Variants in DMC1 observed in about 807,000 individuals in gnomAD.
DMC1 encodes the protein meiotic recombination protein DMC1 homolog.
A neutral mutation model predicts 50.1 loss-of-function variants in DMC1; 27 were observed. That is an observed-to-expected ratio of 0.54 (90% CI 0.40 to 0.74). The LOEUF is 0.74. Among genes scored for constraint, DMC1 ranks in the 30% least tolerant of loss-of-function variants. The pLI, the probability that DMC1 is intolerant of heterozygous loss-of-function variation, is 0.00. For synonymous variants in DMC1, 148 were observed against 136.1 expected, an observed-to-expected ratio of 1.09 and a Z score of -0.61; for missense variants, 295 against 420.2, an observed-to-expected ratio of 0.70 and a Z score of 2.60.
At chr22:38,518,537 C>CT (rs879709717), downstream of DMC1, among the ~76,000 whole-genome samples, 339 of 145,526 alleles carry the variant, frequency 2.3e-3, 2 homozygotes, top group African/African-American at 7.5e-3. Flanking sequence ...CTCTTTCCTT[C>CT]TTTTTTTTTT....
At chr22:38,538,068 T>C (rs1602732721) in intron 11 of DMC1, among the ~76,000 whole-genome samples, 1 of 151,904 alleles carries the variant, frequency 6.6e-6, no homozygotes, top group East Asian at 1.9e-4. Context: ...TGCTTGAACC[T>C]GGGAGGCGGA....
the DMC1 span, among the ~76,000 whole-genome samples, chr22:38,513,063 G>A: frequency 6.0e-5 from 9 of 151,162 alleles, no homozygotes; most frequent in African/African-American, 2.2e-4. Context: ...CAGGCTGGGT[G>A]ACAGAGCTAG....
intron 8 of DMC1, among the ~76,000 whole-genome samples, chr22:38,546,343 C>T (rs951214925): frequency 1.3e-5 from 2 of 151,976 alleles, no homozygotes; most frequent in African/African-American, 4.8e-5. Context: ...GAGCCGAGAT[C>T]GCACCATTGC....
At chr22:38,528,310 C>T (rs372896517) in intron 12 of DMC1, among the ~76,000 whole-genome samples, 21 of 150,884 alleles carry the variant, frequency 1.4e-4, no homozygotes, top group East Asian at 4.0e-4. Flanking sequence ...ATAATCTGCC[C>T]GCCTTGGCCT....
chr22:38,514,560 GAGGTCACAAAGATAC>G (rs1231268351), downstream of DMC1, among the ~76,000 whole-genome samples: 7 of 151,976 alleles, frequency 4.6e-5, no homozygotes, highest in Non-Finnish European at 8.8e-5. Flanking sequence ...GATGAGACAG[GAGGTCACAAAGATAC>G]AGGTCACAAA....
At position 38,543,925 on chromosome 22, in the gene DMC1, T is replaced by C. The variant is rs2090314644; in HGVS notation, c.495-4513A>G. The stretch of plus-strand genomic sequence containing the variant: ...TAGCTTAGACTGTGCAGTCCAACCC[T>C]AGCCAATAGGGGAATGACACAGCAG... On this transcript the variant is annotated intron_variant, in intron 8 of 13. Transcript: ENST00000216024. Among the ~76,000 whole-genome samples, 6 of 152,112 alleles carry C rather than the reference T, an allele frequency of 3.9e-5. 1 individual carries two copies. Among genetic ancestry groups the C allele is most frequent in the Admixed American group, 3.3e-4 (5 of 15,248 alleles).
chr22:38,559,717 A>C (rs768587474), intron 5 of DMC1, among the ~76,000 whole-genome samples: 2 of 152,244 alleles, frequency 1.3e-5, no homozygotes, highest in South Asian at 2.1e-4. Context: ...CTAGTGAGAG[A>C]TTAGATAATA....
chr22:38,514,052 G>A (rs1410483668), downstream of DMC1, among the ~76,000 whole-genome samples: 2 of 152,098 alleles, frequency 1.3e-5, no homozygotes, highest in East Asian at 1.9e-4. Flanking sequence ...GGCTGCTGTC[G>A]ACACCTTGGC....
chr22:38,545,311 T>C (rs1307112379), intron 8 of DMC1, among the ~76,000 whole-genome samples: 1 of 152,094 alleles, frequency 6.6e-6, no homozygotes, highest in Non-Finnish European at 1.5e-5. Context: ...CTTGAGAAGC[T>C]GAGGTGGGAG....
At chr22:38,562,829 A>C (rs1025013182) in intron 4 of DMC1, among the ~76,000 whole-genome samples, 3 of 151,644 alleles carry the variant, frequency 2.0e-5, no homozygotes, top group African/African-American at 7.3e-5. Flanking sequence ...ACACACATAT[A>C]TACATATACA....
chr22:38,555,107 T>A (rs1048094668), intron 6 of DMC1, among the ~76,000 whole-genome samples: 1 of 147,252 alleles, frequency 6.8e-6, no homozygotes, highest in Non-Finnish European at 1.5e-5. Context: ...AAAAAAAAAA[T>A]CTATTATCTT....
intron 6 of DMC1, among the ~76,000 whole-genome samples, chr22:38,553,851 T>A (rs1274291704): frequency 4.8e-5 from 7 of 146,858 alleles, no homozygotes; most frequent in Non-Finnish European, 8.9e-5. Flanking sequence ...CCCAGCTACT[T>A]GGGAGGCTGA....
chr22:38,566,903 T>C (rs1185751070), intron 3 of DMC1, among the ~76,000 whole-genome samples, 167 bp from the exon 4 acceptor site: 1 of 152,202 alleles, frequency 6.6e-6, no homozygotes, highest in African/African-American at 2.4e-5. Flanking sequence ...TGGAAATATC[T>C]GAGTAGAACA....
intron 5 of DMC1, among the ~76,000 whole-genome samples, chr22:38,558,310 G>T (rs566955485): frequency 2.0e-5 from 3 of 152,008 alleles, no homozygotes; most frequent in East Asian, 3.9e-4. Context: ...ATGTTTAAGA[G>T]AATTTAATCT....
intron 8 of DMC1, among the ~76,000 whole-genome samples, chr22:38,548,732 G>A (rs1235836242): frequency 6.6e-6 from 1 of 152,130 alleles, no homozygotes. Context: ...AAATTAGCCA[G>A]GTGTGGTGGT....
At chr22:38,537,488 A>C (rs2090227409) in intron 12 of DMC1, 104 bp downstream of exon 12, 2 of 1,039,260 alleles carry the variant, frequency 1.9e-6, no homozygotes, top group East Asian at 2.4e-5. Context: ...CTGGAATTAC[A>C]GGCGTGAGCC....
chr22:38,555,178 A>G (rs1314473490), intron 6 of DMC1, among the ~76,000 whole-genome samples, 179 bp downstream of exon 6: 1 of 152,080 alleles, frequency 6.6e-6, no homozygotes. Context: ...TAATGTTCAT[A>G]TATATTTTCG....
At chr22:38,540,193 G>A (rs1468318037) in intron 8 of DMC1, among the ~76,000 whole-genome samples, 2 of 152,026 alleles carry the variant, frequency 1.3e-5, no homozygotes, top group Middle Eastern at 3.4e-3. Flanking sequence ...TTACAGGCGC[G>A]AGCCATCATA....
Position 38,521,711 on chromosome 22 carries a change from G to A in DMC1, c.850C>T (p.Pro284Ser). 1.9e-6 allele frequency: 3 copies of A among 1,612,612 alleles called. No homozygotes were observed. The highest frequency in any genetic ancestry group is 2.5e-6 in the Non-Finnish European group (3 of 1,178,690). ...PGATMTFQADPKKPIGGHILA... is the reference protein window; with the variant it reads ...PGATMTFQADSKKPIGGHILA... ...ATGTGTCCCCCAATGGGTTTTTTGGGATCTGCCTGAAAGCTGAATTAATAA... is the reference window on the plus strand; with the variant it reads ...ATGTGTCCCCCAATGGGTTTTTTGGAATCTGCCTGAAAGCTGAATTAATAA... The change falls in exon 13 of 14, where the codon CCC (proline) becomes TCC (serine). Residue 284 changes from proline (P) to serine (S), a missense_variant. Pro to Ser is a moderately conservative substitution (Grantham distance 74, BLOSUM62 -1). Transcript: ENST00000216024.
Sources: gnomAD v4.1 joint callset for allele counts (sites outside exome capture counted in the v4.1 genomes callset) on GRCh38, gnomAD v4.1.1 for gene constraint, MANE v1.5 for transcripts, NCBI Gene and HGNC (gene_info 2026-07-23, HGNC 2026-07-21) for gene names.